Variants in TBCK observed in about 807,000 individuals in gnomAD.
TBCK encodes the protein TBC1 domain containing kinase, also known as TBC domain-containing protein kinase-like protein.
TBCK carries 99 observed loss-of-function variants against 113.4 expected under a neutral mutation model. That is an observed-to-expected ratio of 0.87 (90% confidence interval 0.74 to 1.03). TBCK has a LOEUF of 1.03. Ranked by LOEUF, TBCK falls within the 50% of genes least tolerant of loss-of-function variation. The pLI, the probability that TBCK is intolerant of heterozygous loss-of-function variation, is 0.00. For missense variants in TBCK, 1,045 were observed against 1,061.3 expected (o/e 0.98, Z 0.21); for synonymous variants, 369 against 370.8 (o/e 1.00, Z 0.05).
At chr4:106,159,830 G>C (rs985521902) in intron 23 of TBCK, among the ~76,000 whole-genome samples, 35 of 151,954 alleles carry the variant, frequency 2.3e-4, no homozygotes, top group African/African-American at 8.0e-4. Context: ...AAACAATCTT[G>C]AAAAGAAAGA....
chr4:106,052,091 T>A (rs1447366968), intron 25 of TBCK, among the ~76,000 whole-genome samples: 1 of 151,890 alleles, frequency 6.6e-6, no homozygotes, highest in East Asian at 1.9e-4. Flanking sequence ...TCTTTTTAAC[T>A]CATTGAAGTT....
chr4:106,056,977 C>T (rs1363182910), intron 25 of TBCK, among the ~76,000 whole-genome samples: 1 of 151,780 alleles, frequency 6.6e-6, no homozygotes, highest in Non-Finnish European at 1.5e-5. Flanking sequence ...CTTATATTTA[C>T]ATGAAAGGTT....
At chr4:106,219,170 T>G (rs1474690604) in intron 19 of TBCK, among the ~76,000 whole-genome samples, 2 of 134,336 alleles carry the variant, frequency 1.5e-5, no homozygotes, top group Non-Finnish European at 3.1e-5. Context: ...AATTGAACAA[T>G]GAGATCACAT....
intron 22 of TBCK, among the ~76,000 whole-genome samples, chr4:106,179,469 G>T (rs1477782116): frequency 6.6e-6 from 1 of 151,780 alleles, no homozygotes; most frequent in Non-Finnish European, 1.5e-5. Context: ...TTAAATACAG[G>T]AATACTATAA....
At chr4:106,303,419 A>G (rs545345647) in intron 2 of TBCK, among the ~76,000 whole-genome samples, 1 of 152,278 alleles carries the variant, frequency 6.6e-6, no homozygotes, top group East Asian at 1.9e-4. Context: ...ACATGTGTAC[A>G]TATGTATATA....
intron 22 of TBCK, among the ~76,000 whole-genome samples, chr4:106,188,420 TA>T (rs1052447884): frequency 3.3e-5 from 5 of 152,204 alleles, no homozygotes; most frequent in African/African-American, 1.2e-4. Context: ...CTAAGGCACA[TA>T]TAAACATTCA....
At chr4:106,311,430 T>C (rs1448625350) in intron 1 of TBCK, among the ~76,000 whole-genome samples, 1 of 152,042 alleles carries the variant, frequency 6.6e-6, no homozygotes, top group Non-Finnish European at 1.5e-5. Flanking sequence ...ATCTTAGAAA[T>C]ATAATATTGA....
At chr4:106,059,834 T>C (rs1486989986) in intron 25 of TBCK, among the ~76,000 whole-genome samples, 6 of 151,796 alleles carry the variant, frequency 4.0e-5, no homozygotes, top group Non-Finnish European at 7.4e-5. Context: ...AAGTTGTGAA[T>C]GCAAAGGAAA....
At chr4:106,196,113 CATT>C (rs1386891675) in intron 20 of TBCK, among the ~76,000 whole-genome samples, 3 of 151,742 alleles carry the variant, frequency 2.0e-5, no homozygotes, top group Admixed American at 1.3e-4. Context: ...CTAATATTAC[CATT>C]ATTAATAATT....
chr4:106,063,429 A>T (rs2149464047), intron 25 of TBCK, among the ~76,000 whole-genome samples: 1 of 152,148 alleles, frequency 6.6e-6, no homozygotes, highest in South Asian at 2.1e-4. Flanking sequence ...AGAACTAGAT[A>T]GATACTATCT....
At chr4:106,282,869 A>C (rs1053610986) in intron 3 of TBCK, among the ~76,000 whole-genome samples, 2 of 152,158 alleles carry the variant, frequency 1.3e-5, no homozygotes, top group African/African-American at 4.8e-5. Flanking sequence ...AGCTGACAGC[A>C]GCACTCAGTC....
Position 106,236,378 on chromosome 4 carries a change from T to C in TBCK, c.1350+12A>G, listed in dbSNP as rs371163807. ...GGGCTATTGTTAACACTTTATACTT[T>C]AGAATCCATACCTTTAGCAGCCTGT... On this transcript the variant is annotated intron_variant, in intron 14 of 25. Transcript: ENST00000394708. 2 of 1,459,644 alleles carry C rather than the reference T, an allele frequency of 1.4e-6. No homozygotes were observed. The highest frequency in any genetic ancestry group is 1.8e-6 in the Non-Finnish European group (2 of 1,103,478). The allele number at this position is 1,459,644 out of a possible 1,614,324, so 90.4% of individuals were successfully genotyped here.
Position 106,141,336 on chromosome 4 carries a change from T to C in TBCK, c.2236-24958A>G, listed in dbSNP as rs1186226301. Reference sequence around the variant, plus strand: ...GGCTGATAAAAAGTAATAATGGTAATGGTGAAAACTTGCAGAGTATTTATA... The same window carrying C: ...GGCTGATAAAAAGTAATAATGGTAACGGTGAAAACTTGCAGAGTATTTATA... On this transcript the variant is annotated intron_variant, in intron 23 of 25. Transcript: ENST00000394708. Among the ~76,000 whole-genome samples, 13 of 140,778 alleles carry C rather than the reference T, an allele frequency of 9.2e-5. 1 individual carries two copies. The highest frequency in any genetic ancestry group is 3.3e-4 in the African/African-American group (13 of 39,982). The allele number at this position is 140,778 out of a possible 152,430, so 92.4% of individuals were successfully genotyped here. A position where few individuals can be genotyped will look rare whatever the true frequency, so the allele number is the denominator to read the frequency against.
chr4:106,183,577 C>T (rs1752656565), intron 22 of TBCK, among the ~76,000 whole-genome samples: 2 of 151,992 alleles, frequency 1.3e-5, no homozygotes, highest in Admixed American at 1.3e-4. Context: ...TAATACTGTG[C>T]CTGTCATATA....
At chr4:106,255,674 T>G (rs1761911192) in intron 5 of TBCK, among the ~76,000 whole-genome samples, 1 of 147,902 alleles carries the variant, frequency 6.8e-6, no homozygotes, top group Admixed American at 6.7e-5. Flanking sequence ...AGCTCCTCTC[T>G]CCTTCTGTCT....
intron 23 of TBCK, among the ~76,000 whole-genome samples, chr4:106,167,150 C>CTA (rs952651780): frequency 1.4e-5 from 2 of 138,894 alleles, no homozygotes; most frequent in African/African-American, 5.3e-5. Context: ...AGAGAGAGAA[C>CTA]TATATATATA....
At chr4:106,198,328 C>A (rs920781039) in intron 20 of TBCK, among the ~76,000 whole-genome samples, 1 of 152,072 alleles carries the variant, frequency 6.6e-6, no homozygotes. Context: ...CAGTAACAAC[C>A]TGCAAATTTA....
At chr4:106,170,315 C>T (rs1344996829) in intron 23 of TBCK, among the ~76,000 whole-genome samples, 1 of 151,938 alleles carries the variant, frequency 6.6e-6, no homozygotes, top group African/African-American at 2.4e-5. Context: ...TTAGAAATAT[C>T]TTATAATCTT....
intron 19 of TBCK, among the ~76,000 whole-genome samples, chr4:106,219,276 C>T (rs375069266): frequency 4.0e-5 from 6 of 150,174 alleles, no homozygotes; most frequent in South Asian, 4.3e-4. Flanking sequence ...TGCTAGATGA[C>T]GAGTTAGTGG....
Sources: allele counts gnomAD v4.1 joint callset (sites outside exome capture counted in the v4.1 genomes callset), GRCh38; gene constraint gnomAD v4.1.1; transcripts MANE v1.5; gene names NCBI Gene and HGNC (gene_info 2026-07-23, HGNC 2026-07-21).